The following CHM variants were observed in gnomAD, a reference collection of about 807,000 sequenced individuals.
CHM encodes the protein rab proteins geranylgeranyltransferase component A 1.
Under a neutral mutation model 49.0 loss-of-function variants are expected in CHM, and 10 were observed. The observed-to-expected ratio is 0.20, with a 90% CI of 0.13 to 0.35. The LOEUF is 0.35. CHM is among the 10% of genes least tolerant of loss of function. The pLI is 1.00. For synonymous variants in CHM, 184 were observed against 167.5 expected (o/e 1.10, Z -0.76); for missense variants, 455 against 478.4 (o/e 0.95, Z 0.46).
intron 4 of CHM, among the ~76,000 whole-genome samples, chrX:85,974,719 G>A (rs1157036133): frequency 9.2e-6 from 1 of 108,953 alleles, no homozygotes; most frequent in African/African-American, 3.3e-5. Flanking sequence ...TGATCTAAAC[G>A]TACAACATAA....
intron 13 of CHM, among the ~76,000 whole-genome samples, chrX:85,878,198 G>C (rs1213702031): frequency 8.9e-6 from 1 of 112,065 alleles, no homozygotes; most frequent in Non-Finnish European, 1.9e-5. Context: ...GACTATTAGA[G>C]GCTGGATGCA....
At chrX:86,003,185 A>C (rs1326752096) in intron 2 of CHM, among the ~76,000 whole-genome samples, 2 of 112,289 alleles carry the variant, frequency 1.8e-5, no homozygotes, top group Non-Finnish European at 3.8e-5. Flanking sequence ...GTTAGAAGGA[A>C]AACTGACAAA....
At chrX:86,012,505 T>C (rs1933120837) in intron 2 of CHM, among the ~76,000 whole-genome samples, 1 of 111,556 alleles carries the variant, frequency 9.0e-6, no homozygotes, top group Admixed American at 9.5e-5. Flanking sequence ...AAAATTTCTA[T>C]ACATCTCTGG....
At chrX:85,954,902 A>T (rs1260275462) in intron 8 of CHM, among the ~76,000 whole-genome samples, 1 of 109,572 alleles carries the variant, frequency 9.1e-6, no homozygotes, top group Non-Finnish European at 1.9e-5. Context: ...CCAAAAAAAA[A>T]AAAACAAAAG....
chrX:85,899,453 A>T, intron 11 of CHM, among the ~76,000 whole-genome samples: 1 of 110,823 alleles, frequency 9.0e-6, no homozygotes, highest in African/African-American at 3.3e-5. Context: ...ATAACAATGT[A>T]TTTTCAATTT....
chrX:85,966,971 T>G (rs1603265278), intron 4 of CHM, among the ~76,000 whole-genome samples: 1 of 111,915 alleles, frequency 8.9e-6, no homozygotes, highest in African/African-American at 3.2e-5. Context: ...GAAATTATTC[T>G]TCGGAAATTT....
rs1038039524 is a variant in CHM at position 85,889,127 on chromosome X, T to C, written c.1510+5061A>G. The stretch of plus-strand genomic sequence containing the variant: ...TATTAAAATATGACAAATGGAAAAA[T>C]AATTTACAAAACAATTTATGAAGAC... On this transcript the variant is annotated intron_variant, in intron 12 of 14. Coordinates refer to ENST00000357749, the MANE Select transcript of CHM (RefSeq NM_000390.4). 3.6e-5 allele frequency among the ~76,000 whole-genome samples: 4 copies of C among 111,259 alleles called. No homozygotes were observed. In the East Asian group the frequency reaches 8.4e-4, roughly 23 times the overall value.
intron 2 of CHM, among the ~76,000 whole-genome samples, chrX:86,024,899 C>T (rs1021933446): frequency 1.8e-5 from 2 of 111,210 alleles, no homozygotes; most frequent in Admixed American, 9.6e-5. Context: ...GGGTTCTGTA[C>T]ATTTTGAGGT....
At chrX:85,925,189 G>A (rs1928013317) in intron 8 of CHM, among the ~76,000 whole-genome samples, 1 of 110,834 alleles carries the variant, frequency 9.0e-6, no homozygotes, top group African/African-American at 3.3e-5. Flanking sequence ...TATATGTTTG[G>A]GTCAAACCCT....
At chrX:85,879,960 T>A (rs192491972) in intron 12 of CHM, among the ~76,000 whole-genome samples, 20 of 110,242 alleles carry the variant, frequency 1.8e-4, no homozygotes, top group African/African-American at 5.9e-4. Flanking sequence ...ATTTTTTTTT[T>A]AAACTCCAGG....
intron 8 of CHM, among the ~76,000 whole-genome samples, chrX:85,940,465 C>T (rs6623543): frequency 3.0e-3 from 336 of 111,662 alleles, no homozygotes; most frequent in African/African-American, 0.01. Flanking sequence ...GGTTATGGTT[C>T]TGCCTCTATA....
intron 1 of CHM, among the ~76,000 whole-genome samples, chrX:86,046,003 T>C (rs756754892): frequency 7.1e-5 from 8 of 112,495 alleles, no homozygotes; most frequent in Non-Finnish European, 1.5e-4. Flanking sequence ...AGCCATGCAG[T>C]TATTTTCAGG....
At chrX:85,959,063 T>C (rs1930156606) in intron 5 of CHM, 86 bp from the exon 6 acceptor site, 1 of 1,068,007 alleles carries the variant, frequency 9.4e-7, no homozygotes, top group South Asian at 2.1e-5. Flanking sequence ...TTGCTATATT[T>C]TTTATTATTT....
chrX:85,884,794 ATACAG>A (rs1924987611), intron 12 of CHM, among the ~76,000 whole-genome samples: 1 of 111,168 alleles, frequency 9.0e-6, no homozygotes, highest in Non-Finnish European at 1.9e-5. Context: ...TTAAGACTAC[ATACAG>A]TACAGTATTT....
intron 8 of CHM, among the ~76,000 whole-genome samples, chrX:85,945,688 G>A (rs748147372): frequency 9.1e-6 from 1 of 109,891 alleles, no homozygotes; most frequent in Non-Finnish European, 1.9e-5. Context: ...AACTTGTACA[G>A]AGGAATGGGG....
intron 11 of CHM, among the ~76,000 whole-genome samples, chrX:85,899,596 G>A (rs1371596681): frequency 9.2e-6 from 1 of 109,223 alleles, no homozygotes; most frequent in African/African-American, 3.3e-5. Context: ...TTGCCATCAT[G>A]TATTTTTTTA....
At chrX:86,022,105 T>C (rs975433443) in intron 2 of CHM, among the ~76,000 whole-genome samples, 4 of 111,982 alleles carry the variant, frequency 3.6e-5, no homozygotes, top group Admixed American at 2.8e-4. Context: ...TCTGGAGATC[T>C]GTTGCACAAC....
At chrX:85,936,110 G>A (rs1244048583) in intron 8 of CHM, among the ~76,000 whole-genome samples, 7 of 111,773 alleles carry the variant, frequency 6.3e-5, no homozygotes, top group Non-Finnish European at 9.4e-5. Context: ...TTTGTAGAAG[G>A]CAATATGCTC....
chrX:85,991,359 C>G lies in CHM; in HGVS notation c.117-9550G>C, dbSNP rs142662194. Among the ~76,000 whole-genome samples, 222 of 111,563 alleles carry G rather than the reference C, an allele frequency of 2.0e-3. 1 individual carries two copies. The highest frequency in any genetic ancestry group is 4.6e-3 in the Middle Eastern group (1 of 217). ...GAACTGCAATTGAAACTCAGTTCTCCTGAACTCTAATCCTGTCCATTACAA... is the reference window on the plus strand; with the variant it reads ...GAACTGCAATTGAAACTCAGTTCTCGTGAACTCTAATCCTGTCCATTACAA... On this transcript the variant is annotated intron_variant, in intron 2 of 14. Coordinates refer to ENST00000357749, the MANE Select transcript of CHM (RefSeq NM_000390.4).
Sources: allele counts gnomAD v4.1 joint callset (sites outside exome capture counted in the v4.1 genomes callset), GRCh38; gene constraint gnomAD v4.1.1; transcripts MANE v1.5; gene names NCBI Gene and HGNC (gene_info 2026-07-23, HGNC 2026-07-21).